The following SNX13 variants were observed in gnomAD, a reference collection of about 807,000 sequenced individuals.
SNX13 encodes the protein sorting nexin 13, also known as sorting nexin-13.
In SNX13, 45 loss-of-function variants were observed where a neutral mutation model predicts 133.6. That is an observed-to-expected ratio of 0.34 (90% confidence interval 0.27 to 0.43). The LOEUF (loss-of-function observed/expected upper bound fraction) is 0.43, where lower values mean the gene tolerates loss of function less well. Ranked by LOEUF, SNX13 falls within the 20% of genes least tolerant of loss-of-function variation. SNX13 has a pLI of 1.00. For missense variants in SNX13, 1,032 were observed against 1,145.1 expected, an observed-to-expected ratio of 0.90 and a Z score of 1.43; for synonymous variants, 414 against 373.9, an observed-to-expected ratio of 1.11 and a Z score of -1.24.
intron 16 of SNX13, among the ~76,000 whole-genome samples, chr7:17,829,279 C>T (rs1451545873): frequency 6.6e-6 from 1 of 151,420 alleles, no homozygotes; most frequent in Non-Finnish European, 1.5e-5. Context: ...CTCCCCAACC[C>T]AGCCAAACTG....
intron 18 of SNX13, among the ~76,000 whole-genome samples, chr7:17,817,841 T>C (rs1027223071): frequency 6.6e-6 from 1 of 152,180 alleles, no homozygotes; most frequent in African/African-American, 2.4e-5. Context: ...GACTCAATTT[T>C]AGAAAACACA....
In SNX13 at chr7:17,940,354, C is replaced by A. The variant is rs1385223671; in HGVS notation, c.-59G>T. ...CCTCGCCTCATGGCAACAGCCGTAG[C>A]AGCAGCGAAAACTGCTCGGGCCGCC... On this transcript the variant is annotated 5_prime_UTR_variant, in exon 1 of 26. Transcript: ENST00000428135. 8 of 1,553,016 alleles carry A rather than the reference C, an allele frequency of 5.2e-6. No individual in the cohort carries two copies. Among genetic ancestry groups the A allele is most frequent in the Non-Finnish European group, 7.0e-6 (8 of 1,147,830 alleles).
At chr7:17,872,252 TA>T (rs1794203514) in intron 8 of SNX13, among the ~76,000 whole-genome samples, 1 of 151,964 alleles carries the variant, frequency 6.6e-6, no homozygotes, top group Non-Finnish European at 1.5e-5. Flanking sequence ...TAAACATGAC[TA>T]AAAAGGAAAG....
At chr7:17,833,693 G>C (rs1294089270) in intron 15 of SNX13, among the ~76,000 whole-genome samples, 1 of 151,534 alleles carries the variant, frequency 6.6e-6, no homozygotes, top group African/African-American at 2.4e-5. Context: ...GATATACTCT[G>C]AGTCATTACT....
intron 8 of SNX13, among the ~76,000 whole-genome samples, chr7:17,869,623 C>T (rs1583555617): frequency 6.6e-6 from 1 of 152,006 alleles, no homozygotes; most frequent in African/African-American, 2.4e-5. Flanking sequence ...AAGTCTCTGC[C>T]AACTATTACC....
chr7:17,936,006 G>C (rs1272558908), intron 1 of SNX13, among the ~76,000 whole-genome samples: 1 of 152,204 alleles, frequency 6.6e-6, no homozygotes, highest in Non-Finnish European at 1.5e-5. Context: ...ATGTGCATGT[G>C]TGTGTTCAAA....
chr7:17,796,694 C>T, intron 25 of SNX13, 133 bp downstream of exon 25: 1 of 661,896 alleles, frequency 1.5e-6, no homozygotes, highest in Non-Finnish European at 2.7e-6. Context: ...ATGCCTAGTA[C>T]AGTGCCTGAT....
chr7:17,833,846 T>C (rs1451719477), intron 15 of SNX13, among the ~76,000 whole-genome samples: 4 of 151,862 alleles, frequency 2.6e-5, no homozygotes, highest in South Asian at 4.1e-4. Context: ...AAGGCTTCTA[T>C]AGTTACATTC....
intron 1 of SNX13, among the ~76,000 whole-genome samples, chr7:17,906,119 T>C (rs1777848939): frequency 6.6e-6 from 1 of 152,088 alleles, no homozygotes; most frequent in South Asian, 2.1e-4. Context: ...ATATAAATAA[T>C]CACAAGTACA....
At chr7:17,834,209 C>A in intron 14 of SNX13, 25 bp from the exon 15 acceptor site, 1 of 1,534,654 alleles carries the variant, frequency 6.5e-7, no homozygotes, top group Non-Finnish European at 8.8e-7. Context: ...TCAAGATATT[C>A]AACAATTAAT....
chr7:17,880,461 T>G (rs756844965), intron 5 of SNX13: 11 of 152,216 alleles, frequency 7.2e-5, no homozygotes, highest in Non-Finnish European at 1.6e-4. Context: ...CAAATACAAC[T>G]TTTATTTCAA....
chr7:17,921,784 T>G (rs1056270575), intron 1 of SNX13, among the ~76,000 whole-genome samples: 3 of 152,230 alleles, frequency 2.0e-5, no homozygotes, highest in Admixed American at 2.0e-4. Flanking sequence ...ATAAGAGCAT[T>G]GTTAGTTTGT....
chr7:17,801,631 G>T lies in SNX13; in HGVS notation c.2255C>A (p.Ser752Ter). 6.2e-7 allele frequency: 1 copy of T among 1,609,206 alleles called. No homozygotes were observed. Among genetic ancestry groups the T allele is most frequent in the South Asian group, 1.1e-5 (1 of 89,834 alleles). The change falls in exon 22 of 26, where the codon TCA becomes TAA. Residue 752 changes from serine to a stop codon, truncating the protein, a stop_gained. Transcript: ENST00000428135. LOFTEE classifies it high-confidence loss of function. ...CGAAACTCGGCGATGTTCAGGGTCT[G>T]AATCAGTCTTAGGAATTAAAGGAGG... Reference protein sequence around the residue: ...KVPPLIPKTDSDPEHRRVSAQ... With the variant: ...KVPPLIPKTD
At chr7:17,851,140 T>A (rs530760596) in intron 9 of SNX13, among the ~76,000 whole-genome samples, 176 bp from the exon 10 acceptor site, 1 of 152,254 alleles carries the variant, frequency 6.6e-6, no homozygotes, top group East Asian at 1.9e-4. Context: ...AGACTGCAAA[T>A]AAAATAAAGT....
intron 5 of SNX13, among the ~76,000 whole-genome samples, chr7:17,877,527 T>A (rs1005031424): frequency 2.6e-5 from 4 of 152,080 alleles, no homozygotes; most frequent in Non-Finnish European, 5.9e-5. Flanking sequence ...AAGGTTCATT[T>A]TGACAAATTT....
At chr7:17,860,721 T>C (rs1231168053) in intron 9 of SNX13, among the ~76,000 whole-genome samples, 1 of 152,232 alleles carries the variant, frequency 6.6e-6, no homozygotes, top group Non-Finnish European at 1.5e-5. Context: ...GAGATTATTC[T>C]TTCCCATTTT....
chr7:17,899,004 C>A (rs1395988152), intron 1 of SNX13: 1 of 152,196 alleles, frequency 6.6e-6, no homozygotes, highest in Non-Finnish European at 1.5e-5. Flanking sequence ...ATTTCACCTA[C>A]AGAAGTGTCC....
chr7:17,797,315 A>G (rs1366269544), intron 24 of SNX13, among the ~76,000 whole-genome samples: 1 of 151,792 alleles, frequency 6.6e-6, no homozygotes. Context: ...TCAATGCCTT[A>G]GAGTTTAATA....
chr7:17,816,024 A>G (rs1301215554), intron 19 of SNX13, among the ~76,000 whole-genome samples, 158 bp downstream of exon 19: 1 of 152,222 alleles, frequency 6.6e-6, no homozygotes, highest in Non-Finnish European at 1.5e-5. Context: ...ACAAATTACT[A>G]AGCAGACTGC....
Sources: gnomAD v4.1 joint callset for allele counts (sites outside exome capture counted in the v4.1 genomes callset) on GRCh38, gnomAD v4.1.1 for gene constraint, MANE v1.5 for transcripts, NCBI Gene and HGNC (gene_info 2026-07-23, HGNC 2026-07-21) for gene names.